PRKD1: variants seen among roughly 807,000 people sequenced by gnomAD.
PRKD1 encodes the protein protein kinase D1.
A neutral mutation model predicts 95.9 loss-of-function variants in PRKD1; 63 were observed. The ratio of observed to expected loss-of-function variants is 0.66; its 90% CI spans 0.54 to 0.81. The LOEUF (loss-of-function observed/expected upper bound fraction) is 0.81, where lower values mean the gene tolerates loss of function less well. Among genes scored for constraint, PRKD1 ranks in the 30% least tolerant of loss-of-function variants. The pLI, the probability that PRKD1 is intolerant of heterozygous loss-of-function variation, is 0.00. For missense variants in PRKD1, 1,048 were observed against 1,165.3 expected (o/e 0.90, Z 1.47); for synonymous variants, 425 against 423.1 (o/e 1.00, Z -0.05).
chr14:29,745,443 C>A (rs1030629748), intron 1 of PRKD1, among the ~76,000 whole-genome samples: 3 of 152,064 alleles, frequency 2.0e-5, no homozygotes, highest in African/African-American at 7.3e-5. Context: ...TTTTATCTCA[C>A]AAAGTATTAA....
intron 1 of PRKD1, among the ~76,000 whole-genome samples, chr14:29,823,108 A>T (rs1329652778): frequency 6.6e-6 from 1 of 152,166 alleles, no homozygotes; most frequent in African/African-American, 2.4e-5. Context: ...CCACCTGGAA[A>T]TAACTGAATA....
chr14:29,793,056 T>TC (rs1299470421), intron 1 of PRKD1, among the ~76,000 whole-genome samples: 2 of 152,084 alleles, frequency 1.3e-5, no homozygotes, highest in South Asian at 2.1e-4. Context: ...AAAATGACAA[T>TC]CTGCAGATTA....
chr14:29,783,635 T>C (rs897172577), intron 1 of PRKD1, among the ~76,000 whole-genome samples: 1 of 152,182 alleles, frequency 6.6e-6, no homozygotes, highest in Non-Finnish European at 1.5e-5. Context: ...AAGAGTTCCC[T>C]TTTCTCCATT....
At chr14:29,609,447 C>CA (rs1465197652) in intron 13 of PRKD1, among the ~76,000 whole-genome samples, 1 of 150,194 alleles carries the variant, frequency 6.7e-6, no homozygotes, top group East Asian at 2.0e-4. Context: ...AGGATCAATT[C>CA]AATGTTTGCA....
intron 16 of PRKD1, 107 bp downstream of exon 16, chr14:29,597,384 T>C (rs1160442353): frequency 4.1e-6 from 5 of 1,209,466 alleles, no homozygotes; most frequent in African/African-American, 1.5e-5. Flanking sequence ...GTGGGCACTT[T>C]ACAATGAGCA....
At chr14:29,675,192 G>C (rs1883085217) in intron 2 of PRKD1, among the ~76,000 whole-genome samples, 2 of 152,066 alleles carry the variant, frequency 1.3e-5, no homozygotes, top group South Asian at 4.2e-4. Flanking sequence ...TGATTCAGTT[G>C]GTCTGCTCTG....
intron 2 of PRKD1, among the ~76,000 whole-genome samples, chr14:29,710,542 G>A (rs1206323185): frequency 6.6e-6 from 1 of 152,044 alleles, no homozygotes; most frequent in East Asian, 1.9e-4. Flanking sequence ...GAAAAACGAG[G>A]AAAGTCTGAG....
In PRKD1 at chr14:29,595,410, T is replaced by G. The variant is rs1197581934; in HGVS notation, c.2434+2081A>C. Among the ~76,000 whole-genome samples the G allele has an allele frequency of 3.9e-5, 6 of 152,268 alleles. No homozygotes were observed. In the East Asian group the frequency reaches 1.2e-3, roughly 29 times the overall value. ...ACCTAGGTAACAATTAAAGGAAATATATTATCATTTTATCCAACATCACAT... is the reference window on the plus strand; with the variant it reads ...ACCTAGGTAACAATTAAAGGAAATAGATTATCATTTTATCCAACATCACAT... On this transcript the variant is annotated intron_variant, in intron 16 of 17. Transcript: ENST00000331968.
At chr14:29,684,469 C>T (rs774263908) in intron 2 of PRKD1, among the ~76,000 whole-genome samples, 12 of 152,178 alleles carry the variant, frequency 7.9e-5, no homozygotes, top group Admixed American at 3.9e-4. Flanking sequence ...TAGCTATCTC[C>T]TTCAGACATT....
At chr14:29,909,118 C>T (rs957430129) in intron 1 of PRKD1, among the ~76,000 whole-genome samples, 2 of 152,194 alleles carry the variant, frequency 1.3e-5, no homozygotes, top group Non-Finnish European at 2.9e-5. Context: ...CAGCCCCAGG[C>T]AGTGAGGGGC....
chr14:29,720,483 A>C (rs72677475), intron 2 of PRKD1, among the ~76,000 whole-genome samples: 15,329 of 151,976 alleles, frequency 0.1, 1,049 homozygotes, highest in African/African-American at 0.19. Flanking sequence ...AACAAACAAA[A>C]AAAATCCTGA....
intron 10 of PRKD1, chr14:29,630,474 G>C: frequency 2.4e-6 from 1 of 423,128 alleles, no homozygotes; most frequent in Non-Finnish European, 4.2e-6. Flanking sequence ...TAGCTCTAGA[G>C]GTCTGTAATT....
intron 1 of PRKD1, among the ~76,000 whole-genome samples, chr14:29,738,832 CT>C (rs71443330): frequency 0.11 from 15,256 of 137,174 alleles, 845 homozygotes; most frequent in Non-Finnish European, 0.15. Context: ...TTTCTTTTTT[CT>C]TTTTTTTTTT....
At chr14:29,889,095 C>T (rs554109222) in intron 1 of PRKD1, among the ~76,000 whole-genome samples, 1 of 152,254 alleles carries the variant, frequency 6.6e-6, no homozygotes, top group South Asian at 2.1e-4. Context: ...GTCCTTGAGT[C>T]ATTAATACTA....
At chr14:29,651,521 A>G (rs1255004593) in intron 4 of PRKD1, among the ~76,000 whole-genome samples, 3 of 152,110 alleles carry the variant, frequency 2.0e-5, no homozygotes, top group Non-Finnish European at 4.4e-5. Flanking sequence ...GTATCTAAAT[A>G]TTTGAAAAGA....
At chr14:29,738,580 T>C (rs2139428432) in intron 1 of PRKD1, among the ~76,000 whole-genome samples, 1 of 152,340 alleles carries the variant, frequency 6.6e-6, no homozygotes, top group Admixed American at 6.5e-5. Flanking sequence ...CTTTTACCTT[T>C]TTTTATTTTT....
intron 1 of PRKD1, among the ~76,000 whole-genome samples, chr14:29,799,313 G>A (rs1479866541): frequency 6.6e-6 from 1 of 152,134 alleles, no homozygotes; most frequent in East Asian, 1.9e-4. Flanking sequence ...AAAACAAATT[G>A]CTTCCCTACT....
intron 2 of PRKD1, among the ~76,000 whole-genome samples, chr14:29,696,376 T>C (rs1451452472): frequency 2.0e-5 from 3 of 152,178 alleles, no homozygotes; most frequent in African/African-American, 7.2e-5. Flanking sequence ...AGGACAGTTG[T>C]TTATAAGATA....
At chr14:29,733,650 T>C (rs1023427917) in intron 1 of PRKD1, among the ~76,000 whole-genome samples, 7 of 152,064 alleles carry the variant, frequency 4.6e-5, no homozygotes, top group African/African-American at 1.4e-4. Flanking sequence ...GGGAAGAACC[T>C]TTATAAAATC....
Sources: gnomAD v4.1 joint callset for allele counts (sites outside exome capture counted in the v4.1 genomes callset) on GRCh38, gnomAD v4.1.1 for gene constraint, MANE v1.5 for transcripts, NCBI Gene and HGNC (gene_info 2026-07-23, HGNC 2026-07-21) for gene names.